ROBO2: variants seen among roughly 807,000 people sequenced by gnomAD.
ROBO2 encodes roundabout guidance receptor 2.
In ROBO2, 53 loss-of-function variants were observed where a neutral mutation model predicts 160.8. The observed-to-expected ratio is 0.33, with a 90% CI of 0.26 to 0.41. The LOEUF (loss-of-function observed/expected upper bound fraction) is 0.41, where lower values mean the gene tolerates loss of function less well. Among genes scored for constraint, ROBO2 ranks in the 10% least tolerant of loss-of-function variants. The probability of loss-of-function intolerance (pLI) is 1.00; values close to 1 mark genes in which losing one functional copy is unlikely to be tolerated. For missense variants in ROBO2, 1,577 were observed against 1,722.4 expected (o/e 0.92, Z 1.49); for synonymous variants, 664 against 611.7 (o/e 1.09, Z -1.26).
chr3:76,435,606 G>C (rs2076637477), intron 2 of ROBO2, among the ~76,000 whole-genome samples: 1 of 152,160 alleles, frequency 6.6e-6, no homozygotes. Context: ...GGGTGGGATA[G>C]CAGGTCAGTT....
chr3:76,184,892 T>C (rs1174570024), intron 2 of ROBO2, among the ~76,000 whole-genome samples: 1 of 151,926 alleles, frequency 6.6e-6, no homozygotes, highest in Non-Finnish European at 1.5e-5. Flanking sequence ...TTTGCCTTTT[T>C]TTCTGTTTTT....
intron 2 of ROBO2, among the ~76,000 whole-genome samples, chr3:76,787,328 C>CCACACACACACACACACA (rs60806662): frequency 4.2e-5 from 6 of 142,258 alleles, no homozygotes; most frequent in Middle Eastern, 3.5e-3. Flanking sequence ...TGTAAACACA[C>CCACACACACACACACACA]CACACACACA....
At chr3:77,205,067 G>A (rs1209213163) in intron 2 of ROBO2, among the ~76,000 whole-genome samples, 3 of 152,140 alleles carry the variant, frequency 2.0e-5, no homozygotes, top group Non-Finnish European at 4.4e-5. Context: ...GGATGCCTGG[G>A]GCTCCAGTGT....
chr3:76,351,350 A>G (rs2108288053), intron 2 of ROBO2, among the ~76,000 whole-genome samples: 1 of 152,062 alleles, frequency 6.6e-6, no homozygotes, highest in South Asian at 2.1e-4. Context: ...GTTAAAAGTA[A>G]TGTAAGAGTT....
chr3:77,249,225 A>G (rs2090083251), intron 2 of ROBO2, among the ~76,000 whole-genome samples: 3 of 152,254 alleles, frequency 2.0e-5, no homozygotes, highest in Admixed American at 1.3e-4. Context: ...CAAAACAGAA[A>G]AACCTCTGCT....
At chr3:77,570,262 A>C (rs375200223) in intron 13 of ROBO2, among the ~76,000 whole-genome samples, 11 of 152,038 alleles carry the variant, frequency 7.2e-5, no homozygotes, top group African/African-American at 2.7e-4. Context: ...ATCACTTTAA[A>C]GTCACTTAGT....
intron 2 of ROBO2, among the ~76,000 whole-genome samples, chr3:77,359,053 T>C (rs1006297549): frequency 3.9e-5 from 6 of 152,232 alleles, no homozygotes; most frequent in African/African-American, 1.4e-4. Context: ...GTGAAATGAT[T>C]AGCTCTCTTT....
intron 2 of ROBO2, among the ~76,000 whole-genome samples, chr3:77,430,784 A>G (rs11721096): frequency 0.2 from 30,578 of 152,124 alleles, 3,902 homozygotes; most frequent in Middle Eastern, 0.28. Flanking sequence ...GCCCAGTGTA[A>G]GGTATTTTAG....
chr3:77,588,618 C>T (rs929448461), intron 16 of ROBO2, 133 bp from the exon 18 acceptor site: 4 of 840,266 alleles, frequency 4.8e-6, no homozygotes, highest in Non-Finnish European at 5.7e-6. Context: ...CTTATCAATA[C>T]TTGTGATAGG....
At chr3:77,351,225 ATAAT>A (rs1439906273) in intron 2 of ROBO2, among the ~76,000 whole-genome samples, 1 of 152,096 alleles carries the variant, frequency 6.6e-6, no homozygotes, top group Non-Finnish European at 1.5e-5. Flanking sequence ...TCTCGAATAA[ATAAT>A]TAATTTTAGG....
At chr3:77,457,085 T>C (rs1309643589) in intron 2 of ROBO2, among the ~76,000 whole-genome samples, 3 of 152,306 alleles carry the variant, frequency 2.0e-5, no homozygotes, top group South Asian at 4.1e-4. Context: ...CTTTGCCATA[T>C]GTGAGCAATC....
At chr3:76,253,525 G>A (rs930236727) in intron 2 of ROBO2, among the ~76,000 whole-genome samples, 2 of 150,546 alleles carry the variant, frequency 1.3e-5, no homozygotes, top group African/African-American at 4.9e-5. Flanking sequence ...CCACCTGCTC[G>A]GTCTCTCAAG....
chr3:76,314,406 A>T (rs1457382166), intron 2 of ROBO2, among the ~76,000 whole-genome samples: 2 of 152,126 alleles, frequency 1.3e-5, no homozygotes, highest in Non-Finnish European at 2.9e-5. Flanking sequence ...GATGTTCAAT[A>T]TATACAACAA....
chr3:76,127,603 T>A (rs199840717), intron 2 of ROBO2, among the ~76,000 whole-genome samples: 5,282 of 139,372 alleles, frequency 0.038, 408 homozygotes, highest in East Asian at 0.34. Flanking sequence ...AAAAAATATA[T>A]ATATATATAT....
At chr3:76,542,345 T>C (rs897183959) in intron 2 of ROBO2, among the ~76,000 whole-genome samples, 1 of 152,184 alleles carries the variant, frequency 6.6e-6, no homozygotes. Context: ...GTGCTGGTTT[T>C]CCTTTCTCTA....
rs563970974 is a variant in ROBO2 at position 76,534,849 on chromosome 3, G to A, written c.110-563165G>A. On this transcript the variant is annotated intron_variant, in intron 2 of 26. Coordinates refer to the ROBO2 transcript ENST00000487694. Reference sequence around the variant, plus strand: ...TAGGGGTTGGTGACAAGCAGTCAGAGCATTGAGAGGTGATGGTTTTAAGGA... The same window carrying A: ...TAGGGGTTGGTGACAAGCAGTCAGAACATTGAGAGGTGATGGTTTTAAGGA... Among the ~76,000 whole-genome samples the A allele has an allele frequency of 5.3e-5, 8 of 152,254 alleles. No homozygotes were observed. The South Asian group carries it at 1.7e-3, about 32-fold the overall frequency.
intron 2 of ROBO2, among the ~76,000 whole-genome samples, chr3:76,603,112 A>T (rs1219886629): frequency 6.6e-6 from 1 of 151,488 alleles, no homozygotes; most frequent in Non-Finnish European, 1.5e-5. Context: ...CGGGCAGATC[A>T]TGAGGTCAGG....
chr3:76,948,874 TTA>T (rs71104642), intron 2 of ROBO2, among the ~76,000 whole-genome samples: 553 of 48,580 alleles, frequency 0.011, 17 homozygotes, highest in African/African-American at 0.042. Flanking sequence ...CCGGCTAATT[TTA>T]TATATATATA....
chr3:77,543,639 A>G (rs1473861569), intron 6 of ROBO2, among the ~76,000 whole-genome samples: 3 of 152,206 alleles, frequency 2.0e-5, no homozygotes, highest in Admixed American at 1.3e-4. Context: ...ATTTTACTGG[A>G]TAGATGAAGA....
Sources: allele counts gnomAD v4.1 joint callset (sites outside exome capture counted in the v4.1 genomes callset), GRCh38; gene constraint gnomAD v4.1.1; transcripts MANE v1.5; gene names NCBI Gene and HGNC (gene_info 2026-07-23, HGNC 2026-07-21).